The following ERRFI1 variants were observed in gnomAD, a reference collection of about 807,000 sequenced individuals.
ERRFI1 encodes mitogen-inducible gene 6 protein.
ERRFI1 carries 12 observed loss-of-function variants against 14.6 expected under a neutral mutation model. That is an observed-to-expected ratio of 0.82 (90% CI 0.53 to 1.33). The LOEUF is 1.33. Ranked by LOEUF, ERRFI1 falls within the 40% of genes most tolerant of loss-of-function variation. ERRFI1 has a pLI of 0.00. For missense variants in ERRFI1, 482 were observed against 572.1 expected, an observed-to-expected ratio of 0.84 and a Z score of 1.61; for synonymous variants, 202 against 209.9, an observed-to-expected ratio of 0.96 and a Z score of 0.32.
chr1:8,016,191 A>G (rs1641171396), intron 1 of ERRFI1, among the ~76,000 whole-genome samples: 1 of 152,230 alleles, frequency 6.6e-6, no homozygotes, highest in Non-Finnish European at 1.5e-5. Context: ...AAGAGTTTCT[A>G]CAGTATTGGC....
intron 1 of ERRFI1, among the ~76,000 whole-genome samples, chr1:8,019,256 A>C (rs897538690): frequency 1.3e-5 from 2 of 152,176 alleles, no homozygotes; most frequent in African/African-American, 4.8e-5. Flanking sequence ...AAAGGCTCCT[A>C]AATAAAACCT....
intron 3 of ERRFI1, chr1:8,015,095 C>G: frequency 1.8e-6 from 1 of 560,360 alleles, no homozygotes; most frequent in Non-Finnish European, 3.2e-6. Context: ...AACAGTCCTA[C>G]TTAGCAATCA....
chr1:8,019,882 T>C (rs532024158), intron 1 of ERRFI1, among the ~76,000 whole-genome samples: 10 of 152,146 alleles, frequency 6.6e-5, no homozygotes, highest in South Asian at 6.2e-4. Context: ...CTTGAAGCAA[T>C]TGGGGGGGTA....
chr1:8,014,616 C>CT (rs80292802), intron 3 of ERRFI1: 41,182 of 548,544 alleles, frequency 0.075, 7,471 homozygotes, highest in East Asian at 0.54. Context: ...ACTATCTCCT[C>CT]TATCTCCCTT....
At chr1:8,021,070 G>A (rs1641268539) in intron 1 of ERRFI1, among the ~76,000 whole-genome samples, 1 of 152,134 alleles carries the variant, frequency 6.6e-6, no homozygotes, top group African/African-American at 2.4e-5. Flanking sequence ...TTAAAATATA[G>A]TTCAGTGTGG....
In ERRFI1 at chr1:8,018,671, T is replaced by G. The variant is rs144067544; in HGVS notation, c.-73-2979A>C. On this transcript the variant is annotated intron_variant, in intron 1 of 3. Transcript: ENST00000377482. ...TAACTTCTCCAAACTTCATCAACTA[T>G]TTTTAGCTTTTTTAGTGGGTCTAAA... 7.9e-5 allele frequency among the ~76,000 whole-genome samples: 12 copies of G among 152,332 alleles called. No individual in the cohort carries two copies. In the East Asian group the frequency reaches 2.3e-3, roughly 29 times the overall value.
Position 8,012,420 on chromosome 1 carries a change from G to A in ERRFI1, c.*790C>T, listed in dbSNP as rs369308797. 3.5e-5 allele frequency: 8 copies of A among 230,330 alleles called. No homozygotes were observed. The highest frequency in any genetic ancestry group is 8.8e-5 in the African/African-American group (4 of 45,274). 14.3% of individuals were successfully genotyped at this position (230,330 alleles called of 1,614,324 possible). A position where few individuals can be genotyped will look rare whatever the true frequency, so the allele number is the denominator to read the frequency against. ...TACCCCACTGCCTCTAATACGGCCCGCACTACGATGAGCTACTTCAGTGGG... is the reference window on the plus strand; with the variant it reads ...TACCCCACTGCCTCTAATACGGCCCACACTACGATGAGCTACTTCAGTGGG... On this transcript the variant is annotated 3_prime_UTR_variant, in exon 4 of 4. Transcript: ENST00000377482.
At chr1:8,025,080 T>G (rs1345381240) in intron 1 of ERRFI1, among the ~76,000 whole-genome samples, 1 of 151,552 alleles carries the variant, frequency 6.6e-6, no homozygotes, top group Non-Finnish European at 1.5e-5. Context: ...CCCCTGACAG[T>G]TGCCTAGAAA....
At position 8,011,789 on chromosome 1, in the gene ERRFI1, A is replaced by C. The variant is rs1382055961; in HGVS notation, c.*1421T>G. The C allele has an allele frequency of 9.8e-6, 2 of 205,100 alleles. No individual in the cohort carries two copies. The highest frequency in any genetic ancestry group is 2.0e-5 in the Non-Finnish European group (2 of 99,788). The allele number at this position is 205,100 out of a possible 1,614,324, so 12.7% of individuals were successfully genotyped here. The stretch of plus-strand genomic sequence containing the variant: ...ACAATATTCAAAATAATGCAACAAA[A>C]TGAATAAAATCCTTTGTCCAATACT... On this transcript the variant is annotated 3_prime_UTR_variant, in exon 4 of 4. Coordinates refer to ENST00000377482, the MANE Select transcript of ERRFI1 (RefSeq NM_018948.4).
At position 8,011,915 on chromosome 1, in the gene ERRFI1, T is replaced by C. The variant is rs1391347993; in HGVS notation, c.*1295A>G. On this transcript the variant is annotated 3_prime_UTR_variant, in exon 4 of 4. Transcript: ENST00000377482. ...TAAGCTTTAAATAGCTCAAATAATA[T>C]TCAGCAGTTTAAACTGTAAACAGCT... 1 of 226,678 alleles carries C rather than the reference T, an allele frequency of 4.4e-6. No homozygotes were observed. Among genetic ancestry groups the C allele is most frequent in the East Asian group, 6.4e-5 (1 of 15,664 alleles). The allele number at this position is 226,678 out of a possible 1,614,324, so 14.0% of individuals were successfully genotyped here.
chr1:8,014,259 C>A lies in ERRFI1; in HGVS notation c.340G>T (p.Gly114Cys), dbSNP rs2124062352. Residue 114 changes from glycine to cysteine, a missense_variant, in exon 4 of 4, where the codon GGT (glycine) becomes TGT (cysteine). By Grantham distance (159) the Gly-to-Cys change is radical. Coordinates refer to ENST00000377482, the MANE Select transcript of ERRFI1 (RefSeq NM_018948.4). ...GPHEEDQVVC[G>C]FKKLTVNGVC... ...CCATTCACTGTGAGTTTCTTAAAAC[C>A]ACATACAACTTGATCCTCTTCATGT... 3 of 1,614,116 alleles carry A rather than the reference C, an allele frequency of 1.9e-6. No individual in the cohort carries two copies. The highest frequency in any genetic ancestry group is 2.5e-6 in the Non-Finnish European group (3 of 1,180,034).
intron 1 of ERRFI1, among the ~76,000 whole-genome samples, chr1:8,017,777 C>G (rs1163218781): frequency 2.6e-5 from 4 of 152,178 alleles, no homozygotes; most frequent in African/African-American, 9.6e-5. Flanking sequence ...CACCTGTCTG[C>G]AAGCCAACAA....
At chr1:8,016,629 G>A (rs1641177646) in intron 1 of ERRFI1, among the ~76,000 whole-genome samples, 1 of 152,150 alleles carries the variant, frequency 6.6e-6, no homozygotes, top group South Asian at 2.1e-4. Context: ...GTGTTAGTCA[G>A]CATCAATCTC....
intron 2 of ERRFI1, 43 bp downstream of exon 2, chr1:8,015,452 A>C: frequency 6.2e-7 from 1 of 1,614,116 alleles, no homozygotes; most frequent in Non-Finnish European, 8.5e-7. Context: ...TTTTAGTGTC[A>C]CATATTTATC....
At chr1:8,024,660 A>G (rs1413336703) in intron 1 of ERRFI1, among the ~76,000 whole-genome samples, 1 of 152,232 alleles carries the variant, frequency 6.6e-6, no homozygotes, top group Non-Finnish European at 1.5e-5. Context: ...TTCTGCTTGA[A>G]GCAAAGGGAA....
chr1:8,015,432 G>A (rs529402636), intron 2 of ERRFI1, 48 bp from the exon 3 acceptor site: 1 of 1,614,032 alleles, frequency 6.2e-7, no homozygotes, highest in South Asian at 1.1e-5. Flanking sequence ...AGCAATCACA[G>A]CCTCTCCCAT....
Position 8,011,906 on chromosome 1 carries a change from CAA to C in ERRFI1, c.*1302_*1303del, listed in dbSNP as rs1380277455. Reference sequence around the variant, plus strand: ...AAAATATAATAAGCTTTAAATAGCTCAAATAATATTCAGCAGTTTAAACTGTA... The same window carrying C: ...AAAATATAATAAGCTTTAAATAGCTCATAATATTCAGCAGTTTAAACTGTA... On this transcript the variant is annotated 3_prime_UTR_variant, in exon 4 of 4. Transcript: ENST00000377482. 3.1e-5 allele frequency: 7 copies of C among 225,824 alleles called. No homozygotes were observed. Among genetic ancestry groups the C allele is most frequent in the Non-Finnish European group, 5.3e-5 (6 of 113,222 alleles). The allele number at this position is 225,824 out of a possible 1,614,324, so 14.0% of individuals were successfully genotyped here.
At chr1:8,019,432 G>C (rs1354027762) in intron 1 of ERRFI1, among the ~76,000 whole-genome samples, 1 of 152,052 alleles carries the variant, frequency 6.6e-6, no homozygotes, top group Non-Finnish European at 1.5e-5. Context: ...CTGGAGCAGC[G>C]GTGCTCTGTT....
intron 1 of ERRFI1, among the ~76,000 whole-genome samples, chr1:8,019,552 T>G (rs1641247758): frequency 6.6e-6 from 1 of 152,246 alleles, no homozygotes; most frequent in African/African-American, 2.4e-5. Flanking sequence ...GCATCATTCA[T>G]GTCTATTATT....
Sources: gnomAD v4.1 joint callset for allele counts (sites outside exome capture counted in the v4.1 genomes callset) on GRCh38, gnomAD v4.1.1 for gene constraint, MANE v1.5 for transcripts, NCBI Gene and HGNC (gene_info 2026-07-23, HGNC 2026-07-21) for gene names.